Variants in CYP27B1 observed in about 807,000 individuals in gnomAD.
The protein encoded by CYP27B1 is cytochrome P450 family 27 subfamily B member 1.
CYP27B1 carries 46 observed loss-of-function variants against 54.8 expected under a neutral mutation model. The ratio of observed to expected loss-of-function variants is 0.84; its 90% confidence interval spans 0.66 to 1.07. The LOEUF is 1.07. Among genes scored for constraint, CYP27B1 ranks in the 50% least tolerant of loss-of-function variants. CYP27B1 has a pLI of 0.00. For missense variants in CYP27B1, 674 were observed against 692.2 expected (o/e 0.97, Z 0.30); for synonymous variants, 292 against 297.3 (o/e 0.98, Z 0.18).
chr12:57,764,500 T>A lies in CYP27B1; in HGVS notation c.1014A>T (p.Glu338Asp). 1 of 1,614,182 alleles carries A rather than the reference T, an allele frequency of 6.2e-7. No homozygotes were observed. Residue 338 changes from glutamate to aspartate, a missense_variant, in exon 6 of 9, where the codon GAA becomes GAT. Coordinates refer to ENST00000228606, the MANE Select transcript of CYP27B1 (RefSeq NM_000785.4). Reference sequence around the variant, plus strand: ...TCTCTGAGTGGAGTGCTGTCTGGACTTCGGGGTGCCGGGAGAGCTCATACA... The same window carrying A: ...TCTCTGAGTGGAGTGCTGTCTGGACATCGGGGTGCCGGGAGAGCTCATACA... Reference protein sequence around the residue: ...WALYELSRHPEVQTALHSEIT... With the variant: ...WALYELSRHPDVQTALHSEIT...
Position 57,762,969 on chromosome 12 carries a change from C to T in CYP27B1, c.*173G>A. 1.6e-6 allele frequency: 1 copy of T among 637,824 alleles called. No homozygotes were observed. The highest frequency in any genetic ancestry group is 2.9e-6 in the Non-Finnish European group (1 of 344,318). 39.5% of individuals were successfully genotyped at this position (637,824 alleles called of 1,614,324 possible). A position where few individuals can be genotyped will look rare whatever the true frequency, so the allele number is the denominator to read the frequency against. ...TCTCACCTGGCTTCCTGAGTCAGGCCAAGTGCATACTTCACACATTGGTCA... is the reference window on the plus strand; with the variant it reads ...TCTCACCTGGCTTCCTGAGTCAGGCTAAGTGCATACTTCACACATTGGTCA... On this transcript the variant is annotated 3_prime_UTR_variant, in exon 9 of 9. Coordinates refer to ENST00000228606, the MANE Select transcript of CYP27B1 (RefSeq NM_000785.4).
At position 57,765,748 on chromosome 12, in the gene CYP27B1, C is replaced by T; in HGVS notation, c.387-249G>A. The T allele has an allele frequency of 1.2e-6, 1 of 809,458 alleles. No homozygotes were observed. Among genetic ancestry groups the T allele is most frequent in the Non-Finnish European group, 2.0e-6 (1 of 511,758 alleles). 50.1% of individuals were successfully genotyped at this position (809,458 alleles called of 1,614,324 possible). On this transcript the variant is annotated intron_variant, in intron 2 of 8. Coordinates refer to ENST00000228606, the MANE Select transcript of CYP27B1 (RefSeq NM_000785.4). This position sits in a 1 kb window ranked among gnomAD's most constrained non-coding sequence, Gnocchi z 5.8. ...AACCTTACATTCATTCCATCCAGAT[C>T]CTTGTACCCTAGCCCAATTCCTCCG...
chr12:57,764,329 C>T (rs751587630), intron 6 of CYP27B1, 49 bp downstream of exon 6: 2 of 1,611,742 alleles, frequency 1.2e-6, no homozygotes, highest in Non-Finnish European at 1.7e-6. Context: ...GTTGCTTCCC[C>T]AGCCCTTCCT....
At position 57,765,405 on chromosome 12, in the gene CYP27B1, C is replaced by T; in HGVS notation, c.481G>A (p.Val161Ile). Residue 161 changes from valine (V) to isoleucine (I), a missense_variant, in exon 3 of 9, where the codon GTA (valine) becomes ATA (isoleucine). Transcript: ENST00000228606. The surrounding 1 kb of genome is among the most constrained non-coding windows in gnomAD (Gnocchi z 5.8). Reference protein sequence around the residue: ...AARYAGTLNNVVCDLVRRLRR... With the variant: ...AARYAGTLNNIVCDLVRRLRR... ...AGACGCCGCACAAGGTCGCAGACTA[C>T]GTTGTTCAGGGTTCCGGCGTAGCGG... 2 of 1,613,252 alleles carry T rather than the reference C, an allele frequency of 1.2e-6. No individual in the cohort carries two copies. Among genetic ancestry groups the T allele is most frequent in the Non-Finnish European group, 1.7e-6 (2 of 1,179,672 alleles).
Position 57,765,270 on chromosome 12 carries a change from C to A in CYP27B1, c.589+27G>T, listed in dbSNP as rs776405578. 8 of 1,612,250 alleles carry A rather than the reference C, an allele frequency of 5.0e-6. No homozygotes were observed. The highest frequency in any genetic ancestry group is 2.2e-5 in the East Asian group (1 of 44,850). ...AGGCTCTGGTAGGGCGCCCCCGACG[C>A]CTGCCCAGCTCTGTCCTGGGACTCA... On this transcript the variant is annotated intron_variant, in intron 3 of 8. Transcript: ENST00000228606. The surrounding 1 kb of genome is among the most constrained non-coding windows in gnomAD (Gnocchi z 5.8).
intron 1 of CYP27B1, 82 bp from the exon 2 acceptor site, chr12:57,766,279 C>G (rs1955360278): frequency 9.0e-6 from 13 of 1,437,128 alleles, no homozygotes; most frequent in Non-Finnish European, 1.2e-5. Flanking sequence ...AGGGCGTTGA[C>G]TGGGCTTGGG....
Position 57,765,209 on chromosome 12 carries a change from T to C in CYP27B1, c.592A>G (p.Ile198Val), listed in dbSNP as rs768373645. ...GEFYKFGLEG[I>V]AAVLLGSRLG... is the part of the protein sequence containing the mutation. The stretch of plus-strand genomic sequence containing the variant: ...CGCGAGCCGAGCAGAACCGCGGCGA[T>C]GCCTTGTCGGGAGGGGGCGCCGTCA... Residue 198 changes from isoleucine to valine, a missense_variant and splice_region_variant, in exon 4 of 9, where the codon ATC becomes GTC. Ile to Val is a conservative substitution (Grantham distance 29). Transcript: ENST00000228606. The surrounding 1 kb of genome is among the most constrained non-coding windows in gnomAD (Gnocchi z 5.8). The C allele has an allele frequency of 6.2e-7, 1 of 1,612,432 alleles. No individual in the cohort carries two copies.
At chr12:57,763,459 A>C in intron 8 of CYP27B1, 152 bp downstream of exon 8, 1 of 884,652 alleles carries the variant, frequency 1.1e-6, no homozygotes, top group Non-Finnish European at 1.9e-6. Flanking sequence ...CCTCACTTAC[A>C]CTCCAGGCCT....
At position 57,765,004 on chromosome 12, in the gene CYP27B1, G is replaced by C. The variant is rs184727850; in HGVS notation, c.790+7C>G. ...TTCCCCCATTTCCACCTCGACCTGTGCCTTACCAAATGCAAACATCTGGTC... is the reference window on the plus strand; with the variant it reads ...TTCCCCCATTTCCACCTCGACCTGTCCCTTACCAAATGCAAACATCTGGTC... On this transcript the variant is annotated splice_region_variant and intron_variant, in intron 4 of 8. Coordinates refer to ENST00000228606, the MANE Select transcript of CYP27B1 (RefSeq NM_000785.4). This position sits in a 1 kb window ranked among gnomAD's most constrained non-coding sequence, Gnocchi z 5.8. 6.2e-7 allele frequency: 1 copy of C among 1,613,868 alleles called. No homozygotes were observed. The highest frequency in any genetic ancestry group is 2.2e-5 in the East Asian group (1 of 44,886).
chr12:57,766,252 G>T, intron 1 of CYP27B1, 55 bp from the exon 2 acceptor site: 1 of 1,482,240 alleles, frequency 6.7e-7, no homozygotes, highest in South Asian at 1.3e-5. Context: ...CTTTCAGCTT[G>T]ACCTGTGCCC....
At position 57,765,706 on chromosome 12, in the gene CYP27B1, G is replaced by C. The variant is rs1429618337; in HGVS notation, c.387-207C>G. ...CTGCCCTCAGGGGCCGGGGTTCCCG[G>C]GTAACTTGAGTCACAGAACCTTACA... On this transcript the variant is annotated intron_variant, in intron 2 of 8. Coordinates refer to ENST00000228606, the MANE Select transcript of CYP27B1 (RefSeq NM_000785.4). The surrounding 1 kb of genome is among the most constrained non-coding windows in gnomAD (Gnocchi z 5.8). The C allele has an allele frequency of 1.2e-6, 1 of 821,108 alleles. No homozygotes were observed. Among genetic ancestry groups the C allele is most frequent in the Middle Eastern group, 2.2e-4 (1 of 4,506 alleles). The allele number at this position is 821,108 out of a possible 1,614,324, so 50.9% of individuals were successfully genotyped here. A position where few individuals can be genotyped will look rare whatever the true frequency, so the allele number is the denominator to read the frequency against.
chr12:57,766,875 C>T lies in CYP27B1; in HGVS notation c.167G>A (p.Gly56Glu), dbSNP rs769363080. Residue 56 changes from glycine to glutamate, a missense_variant, in exon 1 of 9, where the codon GGG becomes GAG. Coordinates refer to ENST00000228606, the MANE Select transcript of CYP27B1 (RefSeq NM_000785.4). The part of the protein sequence containing the change: ...PSFLAELFCK[G>E]GLSRLHELQV... ...CAGCTCGTGTAGCCTCGACAGCCCC[C>T]CCTTGCAGAAAAGTTCGGCCAGAAA... 1.7e-5 allele frequency: 27 copies of T among 1,614,246 alleles called. No homozygotes were observed. The highest frequency in any genetic ancestry group is 2.3e-5 in the Non-Finnish European group (27 of 1,180,046).
Position 57,763,148 on chromosome 12 carries a change from G to A in CYP27B1, c.1521C>T (p.Asp507=). The A allele has an allele frequency of 1.2e-6, 2 of 1,609,764 alleles. No homozygotes were observed. Among genetic ancestry groups the A allele is most frequent in the Non-Finnish European group, 1.7e-6 (2 of 1,176,010 alleles). The stretch of plus-strand genomic sequence containing the variant: ...ACAGTCTCTTTCCATGGGACTATCT[G>A]TCCAAAAACTGTAGGTTGATGCTCC... ...PERSINLQFL[D]R Residue 507 remains aspartate, a synonymous_variant, in exon 9 of 9, where the codon GAC becomes GAT. Transcript: ENST00000228606.
chr12:57,766,581 C>G (rs529652407), intron 1 of CYP27B1: 5 of 585,806 alleles, frequency 8.5e-6, no homozygotes, highest in East Asian at 5.7e-5. Context: ...CGGCCTCCCC[C>G]TCCCGCGCAC....
In CYP27B1 at chr12:57,763,138, G is replaced by C. The variant is rs756788811; in HGVS notation, c.*4C>G. 6.9e-6 allele frequency: 11 copies of C among 1,591,826 alleles called. No homozygotes were observed. The highest frequency in any genetic ancestry group is 8.6e-6 in the Non-Finnish European group (10 of 1,159,734). ...GGTGATGATGACAGTCTCTTTCCAT[G>C]GGACTATCTGTCCAAAAACTGTAGG... On this transcript the variant is annotated 3_prime_UTR_variant, in exon 9 of 9. Transcript: ENST00000228606.
intron 5 of CYP27B1, 86 bp downstream of exon 5, chr12:57,764,668 T>A: frequency 6.3e-7 from 1 of 1,599,362 alleles, no homozygotes; most frequent in Non-Finnish European, 8.6e-7. Context: ...GTGGCCATAA[T>A]GGATCCCCTG....
chr12:57,764,317 T>C, intron 6 of CYP27B1, 61 bp downstream of exon 6: 1 of 1,603,538 alleles, frequency 6.2e-7, no homozygotes, highest in Non-Finnish European at 8.5e-7. Flanking sequence ...TTCCATCCAC[T>C]AGTTGCTTCC....
intron 7 of CYP27B1, 118 bp downstream of exon 7, chr12:57,763,980 C>T: frequency 9.1e-7 from 1 of 1,095,842 alleles, no homozygotes; most frequent in Non-Finnish European, 1.4e-6. Context: ...AAAGGCATAT[C>T]CTAGAGAGGG....
chr12:57,763,765 G>A lies in CYP27B1; in HGVS notation c.1259C>T (p.Ala420Val). The A allele has an allele frequency of 1.2e-6, 2 of 1,614,176 alleles. No homozygotes were observed. Among genetic ancestry groups the A allele is most frequent in the Non-Finnish European group, 8.5e-7 (1 of 1,180,022 alleles). ...LCHYATSRDP[A>V]QFPEPNSFRP... ...AAAAGAATTTGGCTCTGGGAACTGGGCAGGGTCCCTTGAAGTGGCATAGTG... is the reference window on the plus strand; with the variant it reads ...AAAAGAATTTGGCTCTGGGAACTGGACAGGGTCCCTTGAAGTGGCATAGTG... The change falls in exon 8 of 9, where the codon GCC becomes GTC. Residue 420 changes from alanine (A) to valine (V), a missense_variant. Ala to Val is a moderately conservative substitution (Grantham distance 64). Coordinates refer to ENST00000228606, the MANE Select transcript of CYP27B1 (RefSeq NM_000785.4).
Sources: gnomAD v4.1 joint callset for allele counts on GRCh38, gnomAD v4.1.1 for gene constraint, Gnocchi (gnomAD v3.1) non-coding constraint, MANE v1.5 for transcripts, NCBI Gene and HGNC (gene_info 2026-07-23, HGNC 2026-07-21) for gene names.